AHSG: variants seen among roughly 807,000 people sequenced by gnomAD.
AHSG encodes the protein alpha-2-HS-glycoprotein.
AHSG carries 23 observed loss-of-function variants against 30.1 expected under a neutral mutation model. That is an observed-to-expected ratio of 0.76 (90% confidence interval 0.55 to 1.08). The LOEUF (loss-of-function observed/expected upper bound fraction) is 1.08. Among genes scored for constraint, AHSG ranks in the 50% least tolerant of loss-of-function variants. The probability of loss-of-function intolerance (pLI) is 0.00; values close to 1 mark genes in which losing one functional copy is unlikely to be tolerated. For synonymous variants in AHSG, 164 were observed against 186.3 expected (o/e 0.88, Z 0.98); for missense variants, 469 against 459.5 (o/e 1.02, Z -0.19).
Position 186,620,698 on chromosome 3 carries a change from C to G in AHSG, c.872C>G (p.Ala291Gly). The G allele has an allele frequency of 6.2e-7, 1 of 1,614,232 alleles. No homozygotes were observed. The highest frequency in any genetic ancestry group is 8.5e-7 in the Non-Finnish European group (1 of 1,180,042). Reference sequence around the variant, plus strand: ...CTTGGCGCACCTGGACTCCCTCCAGCTGGCTCACCCCCAGACTCCCATGTG... The same window carrying G: ...CTTGGCGCACCTGGACTCCCTCCAGGTGGCTCACCCCCAGACTCCCATGTG... ...PPLGAPGLPPAGSPPDSHVLL... is the reference protein window; with the variant it reads ...PPLGAPGLPPGGSPPDSHVLL... Residue 291 changes from alanine (A) to glycine (G), a missense_variant, in exon 7 of 7, where the codon GCT becomes GGT. Ala to Gly is a moderately conservative substitution (Grantham distance 60, BLOSUM62 0). Coordinates refer to ENST00000411641, the MANE Select transcript of AHSG (RefSeq NM_001622.4).
chr3:186,617,957 A>T (rs1716360576), intron 4 of AHSG: 1 of 165,212 alleles, frequency 6.1e-6, no homozygotes, highest in Non-Finnish European at 1.3e-5. Context: ...ATTAATCAGA[A>T]TATGTGATTC....
chr3:186,620,948 TGAG>T lies in AHSG; in HGVS notation c.*23_*25del, dbSNP rs1184963224. 6.3e-7 allele frequency: 1 copy of T among 1,596,166 alleles called. No homozygotes were observed. The highest frequency in any genetic ancestry group is 8.6e-7 in the Non-Finnish European group (1 of 1,165,834). ...AGGTCTAGGCTAGACATGGCAGAGA[TGAG>T]GAGGTTTGGCACAGAAAACATAGCC... On this transcript the variant is annotated 3_prime_UTR_variant, in exon 7 of 7. Coordinates refer to ENST00000411641, the MANE Select transcript of AHSG (RefSeq NM_001622.4).
chr3:186,615,257 A>G (rs1193781632), intron 1 of AHSG, among the ~76,000 whole-genome samples: 1 of 152,232 alleles, frequency 6.6e-6, no homozygotes, highest in African/African-American at 2.4e-5. Flanking sequence ...ACACCACCTT[A>G]TTTTGCAGCT....
chr3:186,617,622 C>G, intron 4 of AHSG: 1 of 545,420 alleles, frequency 1.8e-6, no homozygotes, highest in Non-Finnish European at 3.2e-6. Flanking sequence ...CCCACTCCCT[C>G]CGTTCCAGCT....
intron 5 of AHSG, 131 bp from the exon 6 acceptor site, chr3:186,619,726 C>T (rs1716418167): frequency 1.6e-6 from 1 of 641,546 alleles, no homozygotes; most frequent in African/African-American, 1.8e-5. Context: ...AATCATATAC[C>T]TCCCACAAGC....
chr3:186,617,521 C>T (rs1716346970), intron 4 of AHSG, 171 bp downstream of exon 4: 1 of 1,289,328 alleles, frequency 7.8e-7, no homozygotes, highest in Non-Finnish European at 1.1e-6. Context: ...TATGAGGCTC[C>T]TGAGTGTCAT....
In AHSG at chr3:186,620,842, C is replaced by T; in HGVS notation, c.1016C>T (p.Thr339Ile). Residue 339 changes from threonine to isoleucine, a missense_variant, in exon 7 of 7, where the codon ACA (threonine) becomes ATA (isoleucine). Physicochemically the swap from Thr to Ile is moderately conservative, Grantham distance 89. Coordinates refer to ENST00000411641, the MANE Select transcript of AHSG (RefSeq NM_001622.4). ...GGAGAAGTGTCGCACCCCCGGAAAA[C>T]ACGCACAGTGGTGCAGCCTAGTGTT... ...PSGEVSHPRK[T>I]RTVVQPSVGA... The T allele has an allele frequency of 8.1e-6, 13 of 1,614,212 alleles. No homozygotes were observed. Among genetic ancestry groups the T allele is most frequent in the Non-Finnish European group, 1.1e-5 (13 of 1,180,042 alleles).
rs778833069 is a variant in AHSG, at chr3:186,618,580, T to C, written c.618T>C (p.Thr206=). The part of the protein sequence containing the change: ...STYVEFTVSG[T]DCVAKEATEA... ...ATGTGGAGTTTACAGTGTCTGGCAC[T>C]GACTGTGTTGCTAAAGAGGCCACAG... Residue 206 remains threonine, a synonymous_variant, in exon 5 of 7, where the codon ACT becomes ACC. Coordinates refer to ENST00000411641, the MANE Select transcript of AHSG (RefSeq NM_001622.4). The C allele has an allele frequency of 6.2e-7, 1 of 1,614,138 alleles. No homozygotes were observed.
Position 186,615,699 on chromosome 3 carries a change from G to C in AHSG, c.228G>C (p.Glu76Asp), listed in dbSNP as rs747118650. 2 of 1,614,072 alleles carry C rather than the reference G, an allele frequency of 1.2e-6. No homozygotes were observed. Among genetic ancestry groups the C allele is most frequent in the African/African-American group, 2.7e-5 (2 of 74,938 alleles). The change falls in exon 2 of 7, where the codon GAG (glutamate) becomes GAC (aspartate). Residue 76 changes from glutamate (E) to aspartate (D), a missense_variant. Transcript: ENST00000411641. ...VKVWPQQPSG[E>D]LFEIEIDTLE... Reference sequence around the variant, plus strand: ...TGTCTCCACAGCAGCCCTCCGGAGAGCTGTTTGAGATTGAAATAGACACCC... The same window carrying C: ...TGTCTCCACAGCAGCCCTCCGGAGACCTGTTTGAGATTGAAATAGACACCC...
chr3:186,617,098 G>A (rs1474279249), intron 3 of AHSG, 89 bp from the exon 4 acceptor site: 1 of 1,523,960 alleles, frequency 6.6e-7, no homozygotes. Context: ...AGCTATCTGG[G>A]GAATGCCTTA....
At chr3:186,613,758 A>G (rs1489011218) in intron 1 of AHSG, among the ~76,000 whole-genome samples, 1 of 152,174 alleles carries the variant, frequency 6.6e-6, no homozygotes, top group African/African-American at 2.4e-5. Flanking sequence ...TAAAACTAGC[A>G]TCTGGCAGAT....
rs769132385 is a variant in AHSG, at chr3:186,618,622, C to A, written c.660C>A (p.Asn220Lys). 2 of 1,614,096 alleles carry A rather than the reference C, an allele frequency of 1.2e-6. No individual in the cohort carries two copies. The highest frequency in any genetic ancestry group is 1.7e-6 in the Non-Finnish European group (2 of 1,179,968). The change falls in exon 5 of 7, where the codon AAC (asparagine) becomes AAA (lysine). Residue 220 changes from asparagine (N) to lysine (K), a missense_variant. Coordinates refer to ENST00000411641, the MANE Select transcript of AHSG (RefSeq NM_001622.4). ...AGGCCACAGAGGCAGCCAAGTGTAA[C>A]CTGCTGGCAGAAAAGGTGAGTGGGC... ...AKEATEAAKC[N>K]LLAEKQYGFC... is the part of the protein sequence containing the mutation.
At chr3:186,618,773 C>A in intron 5 of AHSG, 136 bp downstream of exon 5, 5 of 1,428,844 alleles carry the variant, frequency 3.5e-6, no homozygotes, top group Non-Finnish European at 3.7e-6. Context: ...TGGATCACGG[C>A]AAGCCTTCTT....
chr3:186,615,305 C>T (rs930875631), intron 1 of AHSG, among the ~76,000 whole-genome samples: 10 of 152,180 alleles, frequency 6.6e-5, no homozygotes, highest in African/African-American at 1.7e-4. Context: ...TTCCAAAGCA[C>T]TGCTTGAAGA....
intron 6 of AHSG, among the ~76,000 whole-genome samples, chr3:186,620,333 C>T (rs1178644948): frequency 6.6e-6 from 1 of 152,136 alleles, no homozygotes. Context: ...TGCTTTTACT[C>T]ATTGGACATA....
rs1159844217 is a variant in AHSG at position 186,621,272 on chromosome 3, GA to G, written c.*345del. ...GCTAAGCTTATATGTGCCTGTTAAT[GA>G]AAGTGCCTGAAAGACCTTCCTTAAT... is the stretch of plus-strand genomic sequence containing the variant. On this transcript the variant is annotated 3_prime_UTR_variant, in exon 7 of 7. Transcript: ENST00000411641. 1 of 247,630 alleles carries G rather than the reference GA, an allele frequency of 4.0e-6. No homozygotes were observed. Among genetic ancestry groups the G allele is most frequent in the African/African-American group, 2.2e-5 (1 of 45,762 alleles). The allele number at this position is 247,630 out of a possible 1,614,324, so 15.3% of individuals were successfully genotyped here. A position where few individuals can be genotyped will look rare whatever the true frequency, so the allele number is the denominator to read the frequency against.
chr3:186,620,487 TA>T, intron 6 of AHSG, 98 bp from the exon 7 acceptor site: 1 of 990,134 alleles, frequency 1.0e-6, no homozygotes, highest in Non-Finnish European at 1.5e-6. Flanking sequence ...TAAAAATGTA[TA>T]ATGTGAGGAA....
intron 5 of AHSG, 55 bp from the exon 6 acceptor site, chr3:186,619,802 G>A (rs1216562338): frequency 1.4e-6 from 2 of 1,433,236 alleles, no homozygotes; most frequent in African/African-American, 1.4e-5. Context: ...CAATGAAATT[G>A]GGGGGGATCC....
chr3:186,620,430 A>G (rs1424887502), intron 6 of AHSG, among the ~76,000 whole-genome samples, 156 bp from the exon 7 acceptor site: 1 of 152,174 alleles, frequency 6.6e-6, no homozygotes, highest in Non-Finnish European at 1.5e-5. Context: ...CCTTGATGAC[A>G]ATCCCTTGTA....
Sources: gnomAD v4.1 joint callset for allele counts (sites outside exome capture counted in the v4.1 genomes callset) on GRCh38, gnomAD v4.1.1 for gene constraint, MANE v1.5 for transcripts, NCBI Gene and HGNC (gene_info 2026-07-23, HGNC 2026-07-21) for gene names.